Variants in ARHGAP42 observed in about 807,000 individuals in gnomAD.
ARHGAP42 encodes the protein Rho GTPase activating protein 42.
Under a neutral mutation model 125.0 loss-of-function variants are expected in ARHGAP42, and 63 were observed. The ratio of observed to expected loss-of-function variants is 0.50; its 90% CI spans 0.41 to 0.62. The LOEUF (loss-of-function observed/expected upper bound fraction) is 0.62. ARHGAP42 is among the 20% of genes least tolerant of loss of function. The pLI is 0.00. For missense variants in ARHGAP42, 766 were observed against 1,024.2 expected, an observed-to-expected ratio of 0.75 and a Z score of 3.44; for synonymous variants, 339 against 351.0, an observed-to-expected ratio of 0.97 and a Z score of 0.38.
intron 3 of ARHGAP42, among the ~76,000 whole-genome samples, chr11:100,851,701 TG>T (rs35819615): frequency 0.032 from 4,809 of 152,320 alleles, 109 homozygotes; most frequent in Non-Finnish European, 0.046. Flanking sequence ...ATACAATGTT[TG>T]CACGATGACA....
chr11:100,877,496 T>A (rs1865848481), intron 4 of ARHGAP42, among the ~76,000 whole-genome samples: 1 of 152,238 alleles, frequency 6.6e-6, no homozygotes, highest in African/African-American at 2.4e-5. Flanking sequence ...ACCAGTAGCA[T>A]TTCATGCTTG....
At chr11:100,980,228 C>T (rs187082750) in intron 22 of ARHGAP42, among the ~76,000 whole-genome samples, 8 of 152,144 alleles carry the variant, frequency 5.3e-5, no homozygotes, top group South Asian at 2.1e-4. Flanking sequence ...TCCTTTTGAC[C>T]GAAGCATGGT....
chr11:100,795,776 C>T (rs1863695697), intron 3 of ARHGAP42, among the ~76,000 whole-genome samples: 1 of 152,202 alleles, frequency 6.6e-6, no homozygotes, highest in Non-Finnish European at 1.5e-5. Flanking sequence ...GCAATGTCCT[C>T]ATCTGTAATA....
intron 4 of ARHGAP42, among the ~76,000 whole-genome samples, chr11:100,865,849 A>G (rs680419): frequency 0.068 from 10,350 of 152,192 alleles, 1,217 homozygotes; most frequent in African/African-American, 0.23. Context: ...CGATGTTGAT[A>G]GCAGCTGACT....
chr11:100,862,775 A>T (rs1335059329), intron 4 of ARHGAP42, among the ~76,000 whole-genome samples: 1 of 152,142 alleles, frequency 6.6e-6, no homozygotes, highest in East Asian at 1.9e-4. Flanking sequence ...TCATGCCGGT[A>T]ATCCTAGCAC....
rs932036673 is a variant in ARHGAP42, at chr11:100,993,667, T to C, written c.*4866T>C. ...TATATAAAAGTCGGATGTTAAGATA[T>C]TATATTTCAGTACTAGGAGCTTCTT... On this transcript the variant is annotated 3_prime_UTR_variant, in exon 24 of 24. Coordinates refer to ENST00000298815, the MANE Select transcript of ARHGAP42 (RefSeq NM_152432.4). 10 of 167,076 alleles carry C rather than the reference T, an allele frequency of 6.0e-5. No homozygotes were observed. Among genetic ancestry groups the C allele is most frequent in the African/African-American group, 2.2e-4 (9 of 41,450 alleles). The allele number at this position is 167,076 out of a possible 1,614,324, so 10.3% of individuals were successfully genotyped here. A position where few individuals can be genotyped will look rare whatever the true frequency, so the allele number is the denominator to read the frequency against.
At chr11:100,760,486 G>C (rs936782735) in intron 1 of ARHGAP42, among the ~76,000 whole-genome samples, 4 of 152,068 alleles carry the variant, frequency 2.6e-5, no homozygotes, top group Non-Finnish European at 5.9e-5. Flanking sequence ...ATCACTTGAG[G>C]TCAGGAGTTT....
At chr11:100,793,223 T>C (rs755242962) in intron 2 of ARHGAP42, among the ~76,000 whole-genome samples, 4 of 152,184 alleles carry the variant, frequency 2.6e-5, no homozygotes, top group Non-Finnish European at 5.9e-5. Flanking sequence ...AGTAGATACC[T>C]ACCAGAATGA....
At chr11:100,744,821 G>T (rs1406257431) in intron 1 of ARHGAP42, among the ~76,000 whole-genome samples, 1 of 152,066 alleles carries the variant, frequency 6.6e-6, no homozygotes, top group Non-Finnish European at 1.5e-5. Context: ...AATAGCACTT[G>T]AATATAAAAT....
chr11:100,951,882 G>A (rs1857662510), intron 12 of ARHGAP42, among the ~76,000 whole-genome samples: 1 of 152,098 alleles, frequency 6.6e-6, no homozygotes, highest in Admixed American at 6.6e-5. Context: ...AGTACTCTGA[G>A]CTCCTTGTGA....
At chr11:100,973,451 C>T in intron 18 of ARHGAP42, 117 bp downstream of exon 18, 1 of 1,041,070 alleles carries the variant, frequency 9.6e-7, no homozygotes, top group South Asian at 1.6e-5. Flanking sequence ...ATGGGGACTT[C>T]AGTTTTCTTT....
At chr11:100,961,893 A>G in intron 15 of ARHGAP42, 125 bp downstream of exon 15, 1 of 655,268 alleles carries the variant, frequency 1.5e-6, no homozygotes. Context: ...CCCTTACATA[A>G]GGTGAAATAG....
chr11:100,740,820 G>A (rs993477993), intron 1 of ARHGAP42, among the ~76,000 whole-genome samples: 5 of 152,088 alleles, frequency 3.3e-5, no homozygotes, highest in African/African-American at 1.2e-4. Context: ...GCTTTGGAAC[G>A]TTACTTACTG....
chr11:100,707,604 A>C (rs138865409), intron 1 of ARHGAP42, among the ~76,000 whole-genome samples: 149 of 152,336 alleles, frequency 9.8e-4, no homozygotes, highest in Admixed American at 1.5e-3. Context: ...TGGGAGGAGA[A>C]GACAAGAAGA....
intron 15 of ARHGAP42, 86 bp from the exon 16 acceptor site, chr11:100,962,323 C>G: frequency 1.0e-6 from 1 of 1,003,298 alleles, no homozygotes; most frequent in Non-Finnish European, 1.5e-6. Context: ...GAATAACAGT[C>G]ACCTAATTCT....
chr11:100,987,463 T>A (rs1858710850), intron 22 of ARHGAP42, 50 bp from the exon 23 acceptor site: 2 of 1,390,874 alleles, frequency 1.4e-6, no homozygotes, highest in South Asian at 1.2e-5. Context: ...TAAATATAGA[T>A]GTCCTTAGGT....
At chr11:100,772,134 C>T (rs1788587906) in intron 2 of ARHGAP42, among the ~76,000 whole-genome samples, 2 of 152,014 alleles carry the variant, frequency 1.3e-5, no homozygotes. Context: ...GCTTTGACTC[C>T]CTAAGTAGCA....
intron 12 of ARHGAP42, among the ~76,000 whole-genome samples, chr11:100,956,398 ATT>A (rs1565293434): frequency 6.6e-6 from 1 of 152,124 alleles, no homozygotes; most frequent in Non-Finnish European, 1.5e-5. Context: ...GACTCTCAAC[ATT>A]GTTTTCACTC....
At chr11:100,789,215 T>C (rs144236853) in intron 2 of ARHGAP42, among the ~76,000 whole-genome samples, 7 of 152,374 alleles carry the variant, frequency 4.6e-5, no homozygotes, top group Admixed American at 4.6e-4. Context: ...TGGGGCATCA[T>C]CTGGACTTAT....
Sources: allele counts gnomAD v4.1 joint callset (sites outside exome capture counted in the v4.1 genomes callset), GRCh38; gene constraint gnomAD v4.1.1; transcripts MANE v1.5; gene names NCBI Gene and HGNC (gene_info 2026-07-23, HGNC 2026-07-21).